The following AGBL4 variants were observed in gnomAD, a reference collection of about 807,000 sequenced individuals.
The protein encoded by AGBL4 is AGBL carboxypeptidase 4, also known as cytosolic carboxypeptidase 6.
Under a neutral mutation model 66.4 loss-of-function variants are expected in AGBL4, and 58 were observed. That is an observed-to-expected ratio of 0.87 (90% CI 0.71 to 1.09). The LOEUF is 1.09. Ranked by LOEUF, AGBL4 falls within the 50% of genes least tolerant of loss-of-function variation. The pLI is 0.00. For synonymous variants in AGBL4, 234 were observed against 222.9 expected (o/e 1.05, Z -0.44); for missense variants, 579 against 631.0 (o/e 0.92, Z 0.88).
At chr1:48,871,527 C>T (rs1344566689) in intron 5 of AGBL4, among the ~76,000 whole-genome samples, 1 of 152,004 alleles carries the variant, frequency 6.6e-6, no homozygotes, top group Non-Finnish European at 1.5e-5. Context: ...GGTATGCCAG[C>T]GTTGGATCAA....
intron 3 of AGBL4, among the ~76,000 whole-genome samples, chr1:49,680,291 C>T (rs541582982): frequency 3.9e-5 from 6 of 151,960 alleles, no homozygotes; most frequent in Admixed American, 2.0e-4. Context: ...CCTTGTGATC[C>T]GCCTACCTCT....
At chr1:49,900,403 G>A (rs1328383446) in intron 1 of AGBL4, among the ~76,000 whole-genome samples, 4 of 151,728 alleles carry the variant, frequency 2.6e-5, no homozygotes, top group South Asian at 2.1e-4. Flanking sequence ...GCACCACCAC[G>A]CCAGGCTAAT....
chr1:49,759,127 C>T (rs952987814), intron 2 of AGBL4, among the ~76,000 whole-genome samples: 54 of 152,166 alleles, frequency 3.5e-4, no homozygotes, highest in African/African-American at 1.3e-3. Flanking sequence ...TCCCCTTCTG[C>T]TATGACTGAT....
chr1:49,740,568 A>T (rs1225180966), intron 2 of AGBL4, among the ~76,000 whole-genome samples: 2 of 152,058 alleles, frequency 1.3e-5, no homozygotes, highest in African/African-American at 4.8e-5. Flanking sequence ...CACCTACAGA[A>T]CTCTCCACCC....
chr1:49,394,664 A>G (rs1644917570), intron 3 of AGBL4, among the ~76,000 whole-genome samples: 1 of 152,200 alleles, frequency 6.6e-6, no homozygotes, highest in Non-Finnish European at 1.5e-5. Context: ...TTCCATGGCA[A>G]AGATATATTT....
At chr1:49,749,513 T>C (rs750476310) in intron 2 of AGBL4, among the ~76,000 whole-genome samples, 94 of 152,252 alleles carry the variant, frequency 6.2e-4, no homozygotes, top group Non-Finnish European at 1.2e-3. Flanking sequence ...GAATAGTAAA[T>C]TGACAAATTA....
At chr1:48,907,407 G>A (rs1036217646) in intron 5 of AGBL4, among the ~76,000 whole-genome samples, 3 of 152,198 alleles carry the variant, frequency 2.0e-5, no homozygotes, top group Non-Finnish European at 4.4e-5. Context: ...TTCTGTTCAA[G>A]CACTCTAAAG....
intron 3 of AGBL4, among the ~76,000 whole-genome samples, chr1:49,415,406 AAGAAGTTACTTCT>A (rs1440355987): frequency 1.3e-5 from 2 of 152,180 alleles, no homozygotes; most frequent in Non-Finnish European, 2.9e-5. Context: ...AAGTTTCCAT[AAGAAGTTACTTCT>A]AGAGGTTTGT....
At chr1:48,697,211 G>A (rs1646725528) in intron 6 of AGBL4, among the ~76,000 whole-genome samples, 1 of 152,114 alleles carries the variant, frequency 6.6e-6, no homozygotes, top group South Asian at 2.1e-4. Context: ...ACCACGGCCC[G>A]GGTTCATCTT....
rs574533568 is a variant in AGBL4, at chr1:48,547,462, G to A, written c.1268-7724C>T. On this transcript the variant is annotated intron_variant, in intron 11 of 13. Coordinates refer to ENST00000371839, the MANE Select transcript of AGBL4 (RefSeq NM_032785.4). ...CATCTTTGGCTTTAGCAGCTGGGTCGATGGGGGTGCCCTGATCTGGCATAT... is the reference window on the plus strand; with the variant it reads ...CATCTTTGGCTTTAGCAGCTGGGTCAATGGGGGTGCCCTGATCTGGCATAT... Among the ~76,000 whole-genome samples the A allele has an allele frequency of 3.3e-5, 5 of 152,244 alleles. No individual in the cohort carries two copies. The South Asian group carries it at 8.3e-4, about 25-fold the overall frequency.
intron 3 of AGBL4, among the ~76,000 whole-genome samples, chr1:49,669,193 A>C (rs976770049): frequency 6.6e-6 from 1 of 152,152 alleles, no homozygotes; most frequent in African/African-American, 2.4e-5. Context: ...CTATATGAGC[A>C]AATACAACTG....
chr1:49,605,446 G>C (rs1441155275), intron 3 of AGBL4, among the ~76,000 whole-genome samples: 1 of 152,092 alleles, frequency 6.6e-6, no homozygotes, highest in Non-Finnish European at 1.5e-5. Context: ...GTGGGGAGAG[G>C]AGGAGAAAAG....
chr1:49,065,917 T>G (rs1441481826), intron 4 of AGBL4, among the ~76,000 whole-genome samples: 3 of 152,052 alleles, frequency 2.0e-5, no homozygotes, highest in Admixed American at 2.0e-4. Flanking sequence ...GGGAAAGTGG[T>G]GTTGAGTGTT....
At chr1:49,281,348 GA>G (rs1644268419) in intron 3 of AGBL4, among the ~76,000 whole-genome samples, 1 of 152,196 alleles carries the variant, frequency 6.6e-6, no homozygotes, top group African/African-American at 2.4e-5. Context: ...GAGAGAGCAA[GA>G]AAGAAGGCTG....
intron 1 of AGBL4, among the ~76,000 whole-genome samples, chr1:49,917,233 CA>C (rs1651630526): frequency 6.6e-6 from 1 of 152,004 alleles, no homozygotes; most frequent in South Asian, 2.1e-4. Flanking sequence ...TCACACATAA[CA>C]ATATTAACCT....
At chr1:49,500,725 C>T (rs1557999433) in intron 3 of AGBL4, among the ~76,000 whole-genome samples, 1 of 152,024 alleles carries the variant, frequency 6.6e-6, no homozygotes, top group Non-Finnish European at 1.5e-5. Flanking sequence ...CTATTCTGTT[C>T]CATTGGTCTA....
chr1:49,700,942 T>C (rs867797423), intron 2 of AGBL4, among the ~76,000 whole-genome samples: 3 of 151,974 alleles, frequency 2.0e-5, no homozygotes, highest in African/African-American at 7.2e-5. Context: ...TTAAAAAAAA[T>C]TATCTGAATG....
At chr1:48,734,190 T>C (rs1648634356) in intron 6 of AGBL4, among the ~76,000 whole-genome samples, 1 of 152,100 alleles carries the variant, frequency 6.6e-6, no homozygotes, top group Admixed American at 6.5e-5. Flanking sequence ...AATCAATTAA[T>C]CCGGAGTCAG....
In AGBL4 at chr1:48,741,164, C is replaced by T. The variant is rs570914347; in HGVS notation, c.635-77923G>A. On this transcript the variant is annotated intron_variant, in intron 6 of 13. Coordinates refer to ENST00000371839, the MANE Select transcript of AGBL4 (RefSeq NM_032785.4). ...TACTTTAAGAAAAACTCTCTAGTCA[C>T]TCCACAATGTGTTCATGACTAAAAA... is the stretch of plus-strand genomic sequence containing the variant. 1.5e-4 allele frequency among the ~76,000 whole-genome samples: 23 copies of T among 152,308 alleles called. No individual in the cohort carries two copies. In the South Asian group the frequency reaches 4.8e-3, roughly 32 times the overall value.
Sources: gnomAD v4.1 joint callset for allele counts (sites outside exome capture counted in the v4.1 genomes callset) on GRCh38, gnomAD v4.1.1 for gene constraint, MANE v1.5 for transcripts, NCBI Gene and HGNC (gene_info 2026-07-23, HGNC 2026-07-21) for gene names.